The following DNER variants were observed in gnomAD, a reference collection of about 807,000 sequenced individuals.
The protein encoded by DNER is delta and Notch-like epidermal growth factor-related receptor.
A neutral mutation model predicts 78.2 loss-of-function variants in DNER; 33 were observed. The ratio of observed to expected loss-of-function variants is 0.42; its 90% CI spans 0.32 to 0.56. The LOEUF is 0.56. Ranked by LOEUF, DNER falls within the 20% of genes least tolerant of loss-of-function variation. DNER has a pLI of 0.11. For synonymous variants in DNER, 417 were observed against 384.8 expected (o/e 1.08, Z -0.98); for missense variants, 918 against 975.3 (o/e 0.94, Z 0.78).
intron 6 of DNER, among the ~76,000 whole-genome samples, chr2:229,478,982 C>A (rs1418826454): frequency 6.6e-6 from 1 of 152,150 alleles, no homozygotes; most frequent in African/African-American, 2.4e-5. Context: ...CCACTCCCAA[C>A]AGGCCCCAGT....
intron 6 of DNER, among the ~76,000 whole-genome samples, chr2:229,498,125 A>T (rs577722107): frequency 1.3e-5 from 2 of 152,312 alleles, no homozygotes; most frequent in South Asian, 4.1e-4. Flanking sequence ...GGATCAACAT[A>T]TGCAAATCAA....
At chr2:229,696,023 C>T (rs208781) in intron 1 of DNER, among the ~76,000 whole-genome samples, 65,393 of 152,006 alleles carry the variant, frequency 0.43, 15,648 homozygotes, top group Non-Finnish European at 0.56. Flanking sequence ...CTTTCTAAAC[C>T]TCATTACTAA....
chr2:229,668,548 A>G (rs1253863003), intron 1 of DNER, among the ~76,000 whole-genome samples: 1,071 of 41,842 alleles, frequency 0.026, 29 homozygotes, highest in African/African-American at 0.049. Flanking sequence ...ATATATATAT[A>G]TATATATATA....
At chr2:229,627,032 AT>A (rs1054511763) in intron 1 of DNER, among the ~76,000 whole-genome samples, 5 of 152,316 alleles carry the variant, frequency 3.3e-5, no homozygotes, top group Admixed American at 2.6e-4. Flanking sequence ...CAGGCAACAC[AT>A]TTTTCTTTTC....
intron 6 of DNER, among the ~76,000 whole-genome samples, chr2:229,499,156 G>A (rs964262934): frequency 6.6e-6 from 1 of 152,062 alleles, no homozygotes; most frequent in African/African-American, 2.4e-5. Context: ...ACATAAAATG[G>A]GGAACAGGGC....
rs563022266 is a variant in DNER at position 229,547,539 on chromosome 2, A to G, written c.848-447T>C. Among the ~76,000 whole-genome samples the G allele has an allele frequency of 9.9e-4, 151 of 152,304 alleles. 1 individual carries two copies. Among genetic ancestry groups the G allele is most frequent in the African/African-American group, 3.4e-3 (143 of 41,572 alleles). Reference sequence around the variant, plus strand: ...TCCTCCTCCTGGCTACTTTGGAGTCACAAATGCTGGAAATCCTCAAAGGCC... The same window carrying G: ...TCCTCCTCCTGGCTACTTTGGAGTCGCAAATGCTGGAAATCCTCAAAGGCC... On this transcript the variant is annotated intron_variant, in intron 4 of 12. Coordinates refer to ENST00000341772, the MANE Select transcript of DNER (RefSeq NM_139072.4).
chr2:229,487,637 T>C (rs1695304905), intron 6 of DNER, among the ~76,000 whole-genome samples: 1 of 152,340 alleles, frequency 6.6e-6, no homozygotes, highest in South Asian at 2.1e-4. Context: ...ACTATATTTA[T>C]TAGTTGAGTT....
At chr2:229,641,019 A>G (rs969353735) in intron 1 of DNER, among the ~76,000 whole-genome samples, 1 of 152,136 alleles carries the variant, frequency 6.6e-6, no homozygotes, top group East Asian at 1.9e-4. Flanking sequence ...TTGGGTCTGG[A>G]AGGGGCTAGG....
At chr2:229,565,839 C>A (rs574440340) in intron 4 of DNER, among the ~76,000 whole-genome samples, 2 of 151,238 alleles carry the variant, frequency 1.3e-5, no homozygotes, top group East Asian at 3.9e-4. Flanking sequence ...AATTAAAATT[C>A]TTTATTTAAT....
At chr2:229,641,239 AGGT>A (rs1216850453) in intron 1 of DNER, among the ~76,000 whole-genome samples, 3 of 152,086 alleles carry the variant, frequency 2.0e-5, no homozygotes, top group Non-Finnish European at 2.9e-5. Flanking sequence ...AGTGGGGGTG[AGGT>A]TAGAGGCAGC....
In DNER at chr2:229,714,132, C is replaced by A; in HGVS notation, c.276+16G>T. 1 of 1,292,724 alleles carries A rather than the reference C, an allele frequency of 7.7e-7. No individual in the cohort carries two copies. The highest frequency in any genetic ancestry group is 3.1e-5 in the East Asian group (1 of 31,858). 80.1% of individuals were successfully genotyped at this position (1,292,724 alleles called of 1,614,324 possible). A position where few individuals can be genotyped will look rare whatever the true frequency, so the allele number is the denominator to read the frequency against. ...CCGGACCAGCGCCCCGCACCGCGCC[C>A]GCCGCTTCCACTCACCTGGCAGTTG... On this transcript the variant is annotated intron_variant, in intron 1 of 12. Coordinates refer to ENST00000341772, the MANE Select transcript of DNER (RefSeq NM_139072.4).
chr2:229,452,488 C>T (rs1694481525), intron 7 of DNER, among the ~76,000 whole-genome samples: 1 of 152,060 alleles, frequency 6.6e-6, no homozygotes, highest in African/African-American at 2.4e-5. Context: ...AGAAAGCATG[C>T]CCCTTCCAAA....
In DNER at chr2:229,593,207, TC is replaced by T. The variant is rs1697640258; in HGVS notation, c.277-1320del. 2.0e-5 allele frequency among the ~76,000 whole-genome samples: 3 copies of T among 152,184 alleles called. No homozygotes were observed. The South Asian group carries it at 6.2e-4, about 31-fold the overall frequency. Reference sequence around the variant, plus strand: ...TCAAAGTAAAATCCAAACTCCTTCTTCGGCAGACAAAGCTCTTTTTGGTCAG... The same window carrying T: ...TCAAAGTAAAATCCAAACTCCTTCTTGGCAGACAAAGCTCTTTTTGGTCAG... On this transcript the variant is annotated intron_variant, in intron 1 of 12. Transcript: ENST00000341772.
At chr2:229,664,331 A>G (rs1699055390) in intron 1 of DNER, among the ~76,000 whole-genome samples, 2 of 151,998 alleles carry the variant, frequency 1.3e-5, no homozygotes, top group African/African-American at 4.8e-5. Flanking sequence ...AGATGCAAGC[A>G]CCATCCAGGG....
intron 5 of DNER, among the ~76,000 whole-genome samples, chr2:229,516,972 G>T (rs192827073): frequency 6.6e-6 from 1 of 150,754 alleles, no homozygotes; most frequent in Non-Finnish European, 1.5e-5. Context: ...TTAGCTGGGC[G>T]TGGTGGCACG....
In DNER at chr2:229,399,303, T is replaced by TACAC. The variant is rs35817615; in HGVS notation, c.1723+7925_1723+7928dup. On this transcript the variant is annotated intron_variant, in intron 10 of 12. Coordinates refer to ENST00000341772, the MANE Select transcript of DNER (RefSeq NM_139072.4). ...ATTTACAATCACTAAAAATACACCATACACACACACACACACACATGCATA... is the reference window on the plus strand; with the variant it reads ...ATTTACAATCACTAAAAATACACCATACACACACACACACACACACACATGCATA... Among the ~76,000 whole-genome samples, 1,164 of 149,678 alleles carry TACAC rather than the reference T, an allele frequency of 7.8e-3. 7 individuals are homozygous for TACAC. The Middle Eastern group carries it at 0.079, about 10-fold the overall frequency.
chr2:229,467,803 C>T (rs1387586543), intron 7 of DNER, among the ~76,000 whole-genome samples: 1 of 151,990 alleles, frequency 6.6e-6, no homozygotes, highest in Admixed American at 6.6e-5. Flanking sequence ...TAAACAGATC[C>T]TCCCACAAAA....
intron 1 of DNER, among the ~76,000 whole-genome samples, chr2:229,663,148 A>T (rs1484818127): frequency 1.3e-5 from 2 of 152,184 alleles, no homozygotes; most frequent in Non-Finnish European, 2.9e-5. Flanking sequence ...TTGATCTAGG[A>T]AAAATGCAAA....
intron 10 of DNER, among the ~76,000 whole-genome samples, chr2:229,394,211 C>T (rs1032504533): frequency 1.3e-5 from 2 of 152,128 alleles, no homozygotes; most frequent in Non-Finnish European, 2.9e-5. Context: ...TACCATAAAT[C>T]CTGCCCTTCG....
Sources: gnomAD v4.1 joint callset for allele counts (sites outside exome capture counted in the v4.1 genomes callset) on GRCh38, gnomAD v4.1.1 for gene constraint, MANE v1.5 for transcripts, NCBI Gene and HGNC (gene_info 2026-07-23, HGNC 2026-07-21) for gene names.